ME1: variants seen among roughly 807,000 people sequenced by gnomAD.
ME1 encodes NADP-dependent malic enzyme.
A neutral mutation model predicts 66.4 loss-of-function variants in ME1; 74 were observed. The ratio of observed to expected loss-of-function variants is 1.11; its 90% CI spans 0.92 to 1.35. The LOEUF (loss-of-function observed/expected upper bound fraction) is 1.35. Ranked by LOEUF, ME1 falls within the 40% of genes most tolerant of loss-of-function variation. The pLI is 0.00. For missense variants in ME1, 750 were observed against 694.1 expected (o/e 1.08, Z -0.90); for synonymous variants, 251 against 235.6 (o/e 1.07, Z -0.60).
At chr6:83,213,306 C>T (rs575238908) in intron 13 of ME1, among the ~76,000 whole-genome samples, 33 of 151,336 alleles carry the variant, frequency 2.2e-4, no homozygotes, top group Non-Finnish European at 3.5e-4. Flanking sequence ...TGCCTGTAAC[C>T]CTAGCTACTC....
At chr6:83,430,447 A>G (rs565215898) in intron 1 of ME1, among the ~76,000 whole-genome samples, 3 of 152,338 alleles carry the variant, frequency 2.0e-5, no homozygotes, top group Admixed American at 6.5e-5. Context: ...CGCCTTATCA[A>G]CTTCCAATAA....
chr6:83,413,468 GATCT>G (rs1402598995), intron 1 of ME1, among the ~76,000 whole-genome samples: 6 of 151,716 alleles, frequency 4.0e-5, no homozygotes, highest in African/African-American at 1.2e-4. Context: ...TAATATAGTA[GATCT>G]ATCTTAAAAT....
chr6:83,266,928 A>G (rs1046671590), intron 6 of ME1, among the ~76,000 whole-genome samples: 6 of 152,176 alleles, frequency 3.9e-5, no homozygotes, highest in African/African-American at 1.4e-4. Flanking sequence ...ACATTAAACC[A>G]TTTATGAATG....
At chr6:83,298,255 CT>C (rs1416321117) in intron 6 of ME1, among the ~76,000 whole-genome samples, 1 of 152,200 alleles carries the variant, frequency 6.6e-6, no homozygotes, top group Non-Finnish European at 1.5e-5. Context: ...AATCACCATT[CT>C]GACAGGCATG....
At chr6:83,218,050 T>A (rs1790025885) in intron 12 of ME1, among the ~76,000 whole-genome samples, 1 of 152,216 alleles carries the variant, frequency 6.6e-6, no homozygotes, top group Non-Finnish European at 1.5e-5. Context: ...AATTTTATAA[T>A]AAACTCATCA....
chr6:83,357,101 C>T (rs761841019), intron 3 of ME1, among the ~76,000 whole-genome samples: 82 of 152,222 alleles, frequency 5.4e-4, no homozygotes, highest in African/African-American at 2.0e-3. Flanking sequence ...ATACTGTTTG[C>T]TCATAATTAG....
intron 6 of ME1, among the ~76,000 whole-genome samples, chr6:83,300,218 T>A (rs186231466): frequency 9.9e-4 from 151 of 152,180 alleles, no homozygotes; most frequent in African/African-American, 3.4e-3. Context: ...AGACTCCTTC[T>A]TTACACCATA....
chr6:83,408,588 A>G (rs1769990452), intron 1 of ME1, among the ~76,000 whole-genome samples: 2 of 152,250 alleles, frequency 1.3e-5, no homozygotes, highest in Admixed American at 1.3e-4. Context: ...TTACATGAAC[A>G]TTGATTGTAT....
chr6:83,356,482 T>C (rs1381419741), intron 3 of ME1, among the ~76,000 whole-genome samples: 2 of 152,094 alleles, frequency 1.3e-5, no homozygotes, highest in Admixed American at 1.3e-4. Context: ...AGGATAGATA[T>C]GCCTAGAGTT....
At chr6:83,217,735 C>T (rs1033721220) in intron 12 of ME1, among the ~76,000 whole-genome samples, 1 of 152,056 alleles carries the variant, frequency 6.6e-6, no homozygotes, top group Non-Finnish European at 1.5e-5. Context: ...GCATTTCAGA[C>T]AAAAAACAGA....
intron 2 of ME1, among the ~76,000 whole-genome samples, chr6:83,399,518 G>C (rs1157301507): frequency 6.6e-6 from 1 of 152,174 alleles, no homozygotes; most frequent in African/African-American, 2.4e-5. Flanking sequence ...CAAGGGAAAT[G>C]ACATACAGGA....
intron 3 of ME1, among the ~76,000 whole-genome samples, chr6:83,393,878 C>A (rs1769680008): frequency 6.6e-6 from 1 of 151,916 alleles, no homozygotes; most frequent in Non-Finnish European, 1.5e-5. Context: ...TACAGTATGA[C>A]CCTTCATCTA....
At chr6:83,417,438 T>C (rs73478717) in intron 1 of ME1, among the ~76,000 whole-genome samples, 3,893 of 152,174 alleles carry the variant, frequency 0.026, 170 homozygotes, top group African/African-American at 0.089. Flanking sequence ...TAGAGTGAAG[T>C]GGCGTGATCT....
At chr6:83,237,032 AGT>A (rs111340249) in intron 9 of ME1, among the ~76,000 whole-genome samples, 52 of 111,412 alleles carry the variant, frequency 4.7e-4, no homozygotes, top group African/African-American at 2.1e-3. Context: ...AAAGCTGTAC[AGT>A]TTTTTTTTTT....
At chr6:83,230,794 G>C (rs187198289) in intron 9 of ME1, among the ~76,000 whole-genome samples, 2 of 152,030 alleles carry the variant, frequency 1.3e-5, no homozygotes, top group South Asian at 4.2e-4. Flanking sequence ...TTAGCTGGGC[G>C]TGGTGGCAGG....
intron 6 of ME1, among the ~76,000 whole-genome samples, chr6:83,266,120 C>T (rs1200051364): frequency 6.6e-6 from 1 of 152,044 alleles, no homozygotes; most frequent in Non-Finnish European, 1.5e-5. Context: ...TACAGCGTTC[C>T]AGAATACTAC....
intron 4 of ME1, among the ~76,000 whole-genome samples, chr6:83,348,990 AAAAAAAAAAAAC>A (rs1262549609): frequency 6.8e-6 from 1 of 147,342 alleles, no homozygotes; most frequent in African/African-American, 2.5e-5. Flanking sequence ...GTCTCAAAAA[AAAAAAAAAAAAC>A]AAAAAACAAA....
intron 1 of ME1, among the ~76,000 whole-genome samples, chr6:83,429,171 G>C (rs953110892): frequency 6.6e-6 from 1 of 152,184 alleles, no homozygotes; most frequent in Non-Finnish European, 1.5e-5. Context: ...GCTGAGGCAG[G>C]AGAATGGCGT....
rs1554263094 is a variant in ME1 at position 83,238,799 on chromosome 6, A to ATATATATATATATATATATAT, written c.912+739_912+740insATATATATATATATATATATA. Among the ~76,000 whole-genome samples, 1,151 of 139,030 alleles carry ATATATATATATATATATATAT rather than the reference A, an allele frequency of 8.3e-3. 20 individuals are homozygous for ATATATATATATATATATATAT. The highest frequency in any genetic ancestry group is 9.3e-3 in the African/African-American group (360 of 38,582). The allele number at this position is 139,030 out of a possible 152,430, so 91.2% of individuals were successfully genotyped here. On this transcript the variant is annotated intron_variant, in intron 8 of 13. Coordinates refer to ENST00000369705, the MANE Select transcript of ME1 (RefSeq NM_002395.6). ...TTTGAAAATTTAAAGTTTCTTGAAA[A>ATATATATATATATATATATAT]ATATATATATATATATATATAGCCA...
Sources: allele counts gnomAD v4.1 joint callset (sites outside exome capture counted in the v4.1 genomes callset), GRCh38; gene constraint gnomAD v4.1.1; transcripts MANE v1.5; gene names NCBI Gene and HGNC (gene_info 2026-07-23, HGNC 2026-07-21).